Variants in TMEM120B observed in about 807,000 individuals in gnomAD.
TMEM120B encodes the protein transmembrane protein 120B.
Under a neutral mutation model 55.5 loss-of-function variants are expected in TMEM120B, and 31 were observed. That is an observed-to-expected ratio of 0.56 (90% CI 0.42 to 0.75). The LOEUF is 0.75. Among genes scored for constraint, TMEM120B ranks in the 30% least tolerant of loss-of-function variants. The pLI, the probability that TMEM120B is intolerant of heterozygous loss-of-function variation, is 0.00. For missense variants in TMEM120B, 399 were observed against 425.5 expected (o/e 0.94, Z 0.55); for synonymous variants, 203 against 176.3 (o/e 1.15, Z -1.20).
At chr12:121,773,261 T>C (rs1485896645) in intron 8 of TMEM120B, among the ~76,000 whole-genome samples, 160 bp from the exon 9 acceptor site, 1 of 152,178 alleles carries the variant, frequency 6.6e-6, no homozygotes, top group Non-Finnish European at 1.5e-5. Context: ...AGTGTGTGTG[T>C]CTGTTTGTGG....
At chr12:121,765,978 G>A (rs1873834121) in intron 6 of TMEM120B, among the ~76,000 whole-genome samples, 1 of 152,102 alleles carries the variant, frequency 6.6e-6, no homozygotes, top group South Asian at 2.1e-4. Context: ...CTCGGGGCTG[G>A]TGCGCGCCGT....
In TMEM120B at chr12:121,778,114, G is replaced by C. The variant is rs1271656795; in HGVS notation, c.*2392G>C. The C allele has an allele frequency of 6.6e-6, 1 of 152,212 alleles. No homozygotes were observed. Among genetic ancestry groups the C allele is most frequent in the Non-Finnish European group, 1.5e-5 (1 of 68,066 alleles). The allele number at this position is 152,212 out of a possible 1,614,324, so 9.4% of individuals were successfully genotyped here. On this transcript the variant is annotated 3_prime_UTR_variant, in exon 12 of 12. Transcript: ENST00000449592. ...CCTAGGCGCCCTCCAGAGCCAAGCA[G>C]CTTGCGACTTCTGGTAGGCACCGGA...
intron 1 of TMEM120B, among the ~76,000 whole-genome samples, chr12:121,739,765 C>G (rs765701278): frequency 5.7e-4 from 86 of 151,450 alleles, no homozygotes; most frequent in Non-Finnish European, 1.1e-3. Context: ...AACCACCCAG[C>G]CTGGCCGGAA....
intron 5 of TMEM120B, among the ~76,000 whole-genome samples, chr12:121,759,440 G>T (rs1232076933): frequency 6.6e-6 from 1 of 152,054 alleles, no homozygotes; most frequent in African/African-American, 2.4e-5. Context: ...CACTTTGAGA[G>T]GCCGAGGCAG....
intron 7 of TMEM120B, among the ~76,000 whole-genome samples, 195 bp downstream of exon 7, chr12:121,771,167 T>C (rs2137380952): frequency 6.6e-6 from 1 of 152,156 alleles, no homozygotes; most frequent in East Asian, 1.9e-4. Context: ...AGGGAATGGT[T>C]TCGGGTGTCC....
At chr12:121,759,857 G>A (rs532533121) in intron 5 of TMEM120B, among the ~76,000 whole-genome samples, 73 of 151,892 alleles carry the variant, frequency 4.8e-4, no homozygotes, top group African/African-American at 1.7e-3. Flanking sequence ...ATCAGGCCGG[G>A]TGCGATAACT....
At position 121,777,880 on chromosome 12, in the gene TMEM120B, C is replaced by A. The variant is rs1874296739; in HGVS notation, c.*2158C>A. 6.6e-6 allele frequency: 1 copy of A among 152,116 alleles called. No homozygotes were observed. The highest frequency in any genetic ancestry group is 1.5e-5 in the Non-Finnish European group (1 of 67,994). 9.4% of individuals were successfully genotyped at this position (152,116 alleles called of 1,614,324 possible). A position where few individuals can be genotyped will look rare whatever the true frequency, so the allele number is the denominator to read the frequency against. ...TGGGGTTCTTCGAGAACAAGAACTCCTTGGTTGATTCCCCAGGGTACGGCA... is the reference window on the plus strand; with the variant it reads ...TGGGGTTCTTCGAGAACAAGAACTCATTGGTTGATTCCCCAGGGTACGGCA... On this transcript the variant is annotated 3_prime_UTR_variant, in exon 12 of 12. Transcript: ENST00000449592.
chr12:121,743,681 C>T lies in TMEM120B; in HGVS notation c.122C>T (p.Thr41Met), dbSNP rs369557893. ...CTGGAGGAGCTGGCTGCGCTGCAGA[C>T]GCTGTGTAGCAGTTCCATCAGTAAG... ...QKLEELAALQTLCSSSISKQK... is the reference protein window; with the variant it reads ...QKLEELAALQMLCSSSISKQK... The change falls in exon 2 of 12, where the codon ACG (threonine) becomes ATG (methionine). Residue 41 changes from threonine (T) to methionine (M), a missense_variant. Coordinates refer to ENST00000449592, the MANE Select transcript of TMEM120B (RefSeq NM_001080825.2). 38 of 1,613,526 alleles carry T rather than the reference C, an allele frequency of 2.4e-5. No homozygotes were observed. Among genetic ancestry groups the T allele is most frequent in the Non-Finnish European group, 2.9e-5 (34 of 1,179,988 alleles).
intron 9 of TMEM120B, 112 bp from the exon 10 acceptor site, chr12:121,774,546 C>A: frequency 9.8e-7 from 1 of 1,018,336 alleles, no homozygotes; most frequent in Non-Finnish European, 1.5e-6. Context: ...GCATGTGTGA[C>A]TGTCCCTGGC....
chr12:121,731,788 G>A (rs1451956916), intron 1 of TMEM120B, among the ~76,000 whole-genome samples: 1 of 152,186 alleles, frequency 6.6e-6, no homozygotes, highest in Non-Finnish European at 1.5e-5. Context: ...TAAATATTTT[G>A]TGTATTTTAT....
At chr12:121,735,304 T>G (rs1895087205) in intron 1 of TMEM120B, among the ~76,000 whole-genome samples, 1 of 152,066 alleles carries the variant, frequency 6.6e-6, no homozygotes, top group Non-Finnish European at 1.5e-5. Flanking sequence ...ATACTAGTTA[T>G]TTTATGAAGT....
intron 2 of TMEM120B, among the ~76,000 whole-genome samples, chr12:121,744,891 G>T (rs1873036548): frequency 6.6e-6 from 1 of 152,230 alleles, no homozygotes; most frequent in African/African-American, 2.4e-5. Context: ...GGATGGCCCT[G>T]TGCAAACACG....
intron 1 of TMEM120B, among the ~76,000 whole-genome samples, chr12:121,728,502 A>AG (rs1175192484): frequency 6.6e-6 from 1 of 151,474 alleles, no homozygotes; most frequent in African/African-American, 2.4e-5. Context: ...AAAAAAAAAA[A>AG]AGAGAATGGG....
At chr12:121,763,279 C>T (rs1488880116) in intron 6 of TMEM120B, among the ~76,000 whole-genome samples, 1 of 150,944 alleles carries the variant, frequency 6.6e-6, no homozygotes, top group Non-Finnish European at 1.5e-5. Flanking sequence ...TCTCCTGCCT[C>T]AGCCTCTTGA....
intron 6 of TMEM120B, 61 bp from the exon 7 acceptor site, chr12:121,770,846 G>A (rs748518189): frequency 8.7e-5 from 133 of 1,523,920 alleles, no homozygotes; most frequent in Non-Finnish European, 1.0e-4. Context: ...GGGCCTCAGC[G>A]AGACACATGC....
At chr12:121,713,158 C>G (rs1391457793) in intron 1 of TMEM120B, among the ~76,000 whole-genome samples, 194 bp downstream of exon 1, 1 of 152,114 alleles carries the variant, frequency 6.6e-6, no homozygotes, top group Non-Finnish European at 1.5e-5. Context: ...CCACGTGGGG[C>G]GCCGGGTCGC....
Position 121,781,214 on chromosome 12 carries a change from G to C in TMEM120B, c.*5492G>C. On this transcript the variant is annotated 3_prime_UTR_variant, in exon 12 of 12. Transcript: ENST00000449592. ...TGCCCTGAAAGCACAGAGCAGCGGG[G>C]GTCAGGGGACGTCCCCTCCCTGTCT... 1.2e-6 allele frequency: 2 copies of C among 1,606,424 alleles called. No homozygotes were observed. Among genetic ancestry groups the C allele is most frequent in the Non-Finnish European group, 1.7e-6 (2 of 1,173,280 alleles).
At chr12:121,722,543 G>GTTCAC (rs1894814707) in intron 1 of TMEM120B, among the ~76,000 whole-genome samples, 1 of 152,198 alleles carries the variant, frequency 6.6e-6, no homozygotes, top group African/African-American at 2.4e-5. Flanking sequence ...CCCAGAGAGA[G>GTTCAC]GTGAAGCAGG....
Position 121,781,060 on chromosome 12 carries a change from A to G in TMEM120B, c.*5338A>G, listed in dbSNP as rs762862118. On this transcript the variant is annotated 3_prime_UTR_variant, in exon 12 of 12. Coordinates refer to ENST00000449592, the MANE Select transcript of TMEM120B (RefSeq NM_001080825.2). ...TGCGGCCGGGCCCAGATGTGGGGCC[A>G]CCACCCAGGAGGCCGGCCTCACCTT... 3 of 1,613,902 alleles carry G rather than the reference A, an allele frequency of 1.9e-6. No individual in the cohort carries two copies. Among genetic ancestry groups the G allele is most frequent in the East Asian group, 2.2e-5 (1 of 44,884 alleles).
Sources: gnomAD v4.1 joint callset for allele counts (sites outside exome capture counted in the v4.1 genomes callset) on GRCh38, gnomAD v4.1.1 for gene constraint, MANE v1.5 for transcripts, NCBI Gene and HGNC (gene_info 2026-07-23, HGNC 2026-07-21) for gene names.